The following FRS2 variants were observed in gnomAD, a reference collection of about 807,000 sequenced individuals.
FRS2 encodes the protein FGFR signalling adaptor.
Under a neutral mutation model 43.9 loss-of-function variants are expected in FRS2, and 8 were observed. That is an observed-to-expected ratio of 0.18 (90% CI 0.11 to 0.33). FRS2 has a LOEUF of 0.33. FRS2 is among the 10% of genes least tolerant of loss of function. FRS2 has a pLI of 1.00. For missense variants in FRS2, 534 were observed against 627.6 expected, an observed-to-expected ratio of 0.85 and a Z score of 1.59; for synonymous variants, 219 against 220.3, an observed-to-expected ratio of 0.99 and a Z score of 0.05.
At chr12:69,481,438 C>T (rs2120742543) in intron 1 of FRS2, among the ~76,000 whole-genome samples, 1 of 151,972 alleles carries the variant, frequency 6.6e-6, no homozygotes, top group South Asian at 2.1e-4. Context: ...CCATGCCCAG[C>T]TGATTTTTTT....
chr12:69,505,787 G>A (rs1873874859), intron 1 of FRS2, among the ~76,000 whole-genome samples: 1 of 152,112 alleles, frequency 6.6e-6, no homozygotes, highest in Admixed American at 6.5e-5. Context: ...TGTCATAAAA[G>A]CTCTTTATGC....
intron 1 of FRS2, among the ~76,000 whole-genome samples, chr12:69,513,977 A>C (rs1747089965): frequency 6.6e-6 from 1 of 152,176 alleles, no homozygotes; most frequent in Admixed American, 6.5e-5. Flanking sequence ...ATAAAATTCG[A>C]AGTCTTCCCA....
In FRS2 at chr12:69,574,493, G is replaced by A; in HGVS notation, c.1065G>A (p.Leu355=). 2 of 1,614,030 alleles carry A rather than the reference G, an allele frequency of 1.2e-6. No individual in the cohort carries two copies. The highest frequency in any genetic ancestry group is 1.7e-6 in the Non-Finnish European group (2 of 1,179,970). ...ALLNYENLPS[L]PPVWEARKLS... is the part of the protein sequence containing the mutation. Reference sequence around the variant, plus strand: ...TAAACTATGAAAATCTACCATCTTTGCCTCCTGTTTGGGAAGCCCGCAAGC... The same window carrying A: ...TAAACTATGAAAATCTACCATCTTTACCTCCTGTTTGGGAAGCCCGCAAGC... Residue 355 remains leucine (L), a synonymous_variant, in exon 9 of 9, where the codon TTG becomes TTA. Transcript: ENST00000549921.
chr12:69,486,855 A>G (rs1054172940), intron 1 of FRS2, among the ~76,000 whole-genome samples: 2 of 152,212 alleles, frequency 1.3e-5, no homozygotes, highest in African/African-American at 2.4e-5. Context: ...ATTCTGTTCA[A>G]TTATATGAGG....
Position 69,574,254 on chromosome 12 carries a change from G to A in FRS2, c.826G>A (p.Val276Ile). ...ACTGGAGCAACTTGGAAGAGATCAA[G>A]TTAGTGGAAGTGGAGCAAATAACAC... ...EKLEQLGRDQ[V>I]SGSGANNTEW... Residue 276 changes from valine (V) to isoleucine (I), a missense_variant, in exon 9 of 9, where the codon GTT (valine) becomes ATT (isoleucine). Physicochemically the swap from Val to Ile is conservative, Grantham distance 29 (BLOSUM62 3). This residue lies in a region of FRS2 where 446 missense variants were observed against 494.2 expected (regional missense o/e 0.90). Coordinates refer to ENST00000549921, the MANE Select transcript of FRS2 (RefSeq NM_001278356.2). 1 of 1,614,230 alleles carries A rather than the reference G, an allele frequency of 6.2e-7. No individual in the cohort carries two copies. The highest frequency in any genetic ancestry group is 1.3e-5 in the African/African-American group (1 of 75,080).
intron 1 of FRS2, among the ~76,000 whole-genome samples, chr12:69,522,230 GTGTGTGTC>G (rs928930542): frequency 2.7e-5 from 4 of 146,502 alleles, no homozygotes; most frequent in African/African-American, 1.0e-4. Context: ...GTGTGTGTGT[GTGTGTGTC>G]TCTGCCAGGT....
chr12:69,538,843 A>G (rs1877594700), intron 3 of FRS2, among the ~76,000 whole-genome samples: 1 of 152,100 alleles, frequency 6.6e-6, no homozygotes, highest in South Asian at 2.1e-4. Flanking sequence ...TAATCTTTCA[A>G]CTTCATAGTC....
intron 1 of FRS2, among the ~76,000 whole-genome samples, chr12:69,518,178 T>C (rs1565741237): frequency 6.6e-6 from 1 of 152,234 alleles, no homozygotes; most frequent in African/African-American, 2.4e-5. Context: ...TGAAGACCTC[T>C]TCATGAAACA....
chr12:69,504,791 C>T (rs1447556489), intron 1 of FRS2, among the ~76,000 whole-genome samples: 1 of 152,102 alleles, frequency 6.6e-6, no homozygotes, highest in Non-Finnish European at 1.5e-5. Flanking sequence ...TTTCCAGTTC[C>T]CCACTTTTTA....
At position 69,569,098 on chromosome 12, in the gene FRS2, TC is replaced by T; in HGVS notation, c.66+3del. 3 of 1,585,606 alleles carry T rather than the reference TC, an allele frequency of 1.9e-6. No individual in the cohort carries two copies. The South Asian group carries it at 3.3e-5, about 18-fold the overall frequency. On this transcript the variant is annotated splice_donor_region_variant and intron_variant, in intron 5 of 8. Transcript: ENST00000549921. ...GATAACCATCGGAACAAGTTTAAGGTCAGTAAAACTGGTTGAGTTATATATC... is the reference window on the plus strand; with the variant it reads ...GATAACCATCGGAACAAGTTTAAGGTAGTAAAACTGGTTGAGTTATATATC...
At chr12:69,473,082 A>C (rs1870454059) in intron 1 of FRS2, among the ~76,000 whole-genome samples, 2 of 152,218 alleles carry the variant, frequency 1.3e-5, no homozygotes, top group Admixed American at 1.3e-4. Context: ...AAGTAATGGA[A>C]ATTTGTGGAG....
intron 1 of FRS2, among the ~76,000 whole-genome samples, chr12:69,520,998 G>C (rs975743585): frequency 2.0e-5 from 3 of 152,034 alleles, no homozygotes; most frequent in African/African-American, 7.2e-5. Context: ...TGGGCAGTGT[G>C]GCCATTTTAA....
In FRS2 at chr12:69,486,222, C is replaced by G. The variant is rs537231825; in HGVS notation, c.-261+15692C>G. On this transcript the variant is annotated intron_variant, in intron 1 of 8. Transcript: ENST00000549921. Reference sequence around the variant, plus strand: ...AACAGATTGAAGGTTTGTGGCAACCCTGTATTCAGAATTCTGTATCAGTGC... The same window carrying G: ...AACAGATTGAAGGTTTGTGGCAACCGTGTATTCAGAATTCTGTATCAGTGC... 2.0e-5 allele frequency: 3 copies of G among 151,332 alleles called. No homozygotes were observed. The East Asian group carries it at 5.8e-4, about 29-fold the overall frequency. The allele number at this position is 151,332 out of a possible 1,614,324, so 9.4% of individuals were successfully genotyped here. A position where few individuals can be genotyped will look rare whatever the true frequency, so the allele number is the denominator to read the frequency against.
At chr12:69,511,345 C>T (rs1207611958) in intron 1 of FRS2, among the ~76,000 whole-genome samples, 2 of 152,130 alleles carry the variant, frequency 1.3e-5, no homozygotes, top group African/African-American at 4.8e-5. Context: ...ACCATCATCT[C>T]TTCATCATTT....
intron 1 of FRS2, among the ~76,000 whole-genome samples, chr12:69,521,022 TC>T (rs1875585591): frequency 1.3e-5 from 2 of 152,344 alleles, no homozygotes; most frequent in Non-Finnish European, 2.9e-5. Flanking sequence ...TATTGATTCT[TC>T]CTATCCATGA....
intron 3 of FRS2, among the ~76,000 whole-genome samples, chr12:69,541,142 A>G (rs954054889): frequency 2.0e-5 from 3 of 152,192 alleles, no homozygotes; most frequent in Non-Finnish European, 4.4e-5. Flanking sequence ...TGCAACTTTT[A>G]TTAGATTTTA....
At chr12:69,484,642 A>G (rs1447652056) in intron 1 of FRS2, among the ~76,000 whole-genome samples, 1 of 151,972 alleles carries the variant, frequency 6.6e-6, no homozygotes, top group Non-Finnish European at 1.5e-5. Context: ...CATTTTTCCT[A>G]TGTTGTCACT....
chr12:69,559,208 A>G (rs141666982), intron 3 of FRS2, among the ~76,000 whole-genome samples: 3 of 152,228 alleles, frequency 2.0e-5, no homozygotes, highest in African/African-American at 7.2e-5. Flanking sequence ...CAGTTTAAAT[A>G]TACATAAGCA....
chr12:69,472,185 C>G (rs1387635109), intron 1 of FRS2, among the ~76,000 whole-genome samples: 1 of 151,928 alleles, frequency 6.6e-6, no homozygotes, highest in Non-Finnish European at 1.5e-5. Flanking sequence ...CTCCTGGACT[C>G]AAGCAGTCCT....
Sources: allele counts gnomAD v4.1 joint callset (sites outside exome capture counted in the v4.1 genomes callset), GRCh38; gene constraint gnomAD v4.1.1; regional missense constraint gnomAD v4.1.1; transcripts MANE v1.5; gene names NCBI Gene and HGNC (gene_info 2026-07-23, HGNC 2026-07-21).